The following RCHY1 variants were observed in gnomAD, a reference collection of about 807,000 sequenced individuals.
RCHY1 encodes ring finger and CHY zinc finger domain containing 1, also known as RING finger and CHY zinc finger domain-containing protein 1.
Under a neutral mutation model 41.6 loss-of-function variants are expected in RCHY1, and 21 were observed. That is an observed-to-expected ratio of 0.51 (90% CI 0.36 to 0.73). The LOEUF (loss-of-function observed/expected upper bound fraction) is 0.73. Among genes scored for constraint, RCHY1 ranks in the 30% least tolerant of loss-of-function variants. RCHY1 has a pLI of 0.00. For synonymous variants in RCHY1, 79 were observed against 102.9 expected, an observed-to-expected ratio of 0.77 and a Z score of 1.41; for missense variants, 265 against 325.3, an observed-to-expected ratio of 0.81 and a Z score of 1.43.
chr4:75,487,014 C>T (rs1578205074), intron 8 of RCHY1, among the ~76,000 whole-genome samples: 2 of 151,800 alleles, frequency 1.3e-5, no homozygotes, highest in Non-Finnish European at 2.9e-5. Flanking sequence ...AGTTACTTAA[C>T]GGTTGTTTCA....
At chr4:75,487,554 A>ATATATATTCATAATATATATTCAT in intron 8 of RCHY1, among the ~76,000 whole-genome samples, 1 of 48,310 alleles carries the variant, frequency 2.1e-5, no homozygotes, top group South Asian at 6.7e-4. Flanking sequence ...ATATATTCAT[A>ATATATATTCATAATATATATTCAT]ATATATTCAT....
intron 8 of RCHY1, among the ~76,000 whole-genome samples, chr4:75,487,781 CATA>C (rs1178470954): frequency 1.1e-5 from 1 of 92,756 alleles, no homozygotes; most frequent in East Asian, 3.0e-4. Context: ...TATATATATT[CATA>C]ATATATATAT....
chr4:75,501,349 TGATG>T (rs1723740531), intron 3 of RCHY1, among the ~76,000 whole-genome samples: 1 of 152,224 alleles, frequency 6.6e-6, no homozygotes, highest in South Asian at 2.1e-4. Context: ...TAGTCATTAT[TGATG>T]ATCATATGTC....
intron 7 of RCHY1, 198 bp downstream of exon 7, chr4:75,491,413 G>A: frequency 2.3e-6 from 1 of 441,896 alleles, no homozygotes; most frequent in East Asian, 3.5e-5. Flanking sequence ...AGATTTAAGA[G>A]AAACATATGG....
At chr4:75,510,602 T>C (rs757701925) in intron 1 of RCHY1, among the ~76,000 whole-genome samples, 6 of 152,190 alleles carry the variant, frequency 3.9e-5, no homozygotes, top group Non-Finnish European at 8.8e-5. Context: ...CAACCCACTA[T>C]TCTCATAGTT....
At chr4:75,491,505 G>A in intron 7 of RCHY1, 106 bp downstream of exon 7, 2 of 962,556 alleles carry the variant, frequency 2.1e-6, no homozygotes, top group Middle Eastern at 2.1e-4. Flanking sequence ...TATAAATATT[G>A]CCATGCCCAA....
At chr4:75,509,440 A>C (rs947269763) in intron 1 of RCHY1, 144 bp from the exon 2 acceptor site, 1 of 620,866 alleles carries the variant, frequency 1.6e-6, no homozygotes, top group Non-Finnish European at 2.7e-6. Context: ...GATCCTAAAC[A>C]TAACATTTCA....
rs1205836039 is a variant in RCHY1 at position 75,480,158 on chromosome 4, C to T, written c.*2380G>A. The T allele has an allele frequency of 6.6e-6, 1 of 152,116 alleles. No homozygotes were observed. The highest frequency in any genetic ancestry group is 1.5e-5 in the Non-Finnish European group (1 of 68,018). 9.4% of individuals were successfully genotyped at this position (152,116 alleles called of 1,614,324 possible). A position where few individuals can be genotyped will look rare whatever the true frequency, so the allele number is the denominator to read the frequency against. Reference sequence around the variant, plus strand: ...AACCCTGGGTACCGAAGCCTAGAGACTTTGAGTACATTTGAAAATTGCTTT... The same window carrying T: ...AACCCTGGGTACCGAAGCCTAGAGATTTTGAGTACATTTGAAAATTGCTTT... On this transcript the variant is annotated 3_prime_UTR_variant, in exon 9 of 9. Coordinates refer to ENST00000324439, the MANE Select transcript of RCHY1 (RefSeq NM_015436.4).
At chr4:75,512,505 T>G (rs964653422) in intron 1 of RCHY1, among the ~76,000 whole-genome samples, 2 of 152,186 alleles carry the variant, frequency 1.3e-5, no homozygotes, top group East Asian at 3.9e-4. Flanking sequence ...TCAGGGACAA[T>G]GCCCTTACAG....
chr4:75,508,804 A>C lies in RCHY1; in HGVS notation c.326+16T>G. 6.9e-7 allele frequency: 1 copy of C among 1,442,754 alleles called. No individual in the cohort carries two copies. The highest frequency in any genetic ancestry group is 9.6e-7 in the Non-Finnish European group (1 of 1,045,366). 89.4% of individuals were successfully genotyped at this position (1,442,754 alleles called of 1,614,324 possible). ...ACATTAGAAGCAATTAGATAAGAAC[A>C]CTTTACATACAGTACCTACAAATTC... On this transcript the variant is annotated intron_variant, in intron 3 of 8. Coordinates refer to ENST00000324439, the MANE Select transcript of RCHY1 (RefSeq NM_015436.4).
In RCHY1 at chr4:75,505,485, G is replaced by A. The variant is rs1441241976; in HGVS notation, c.326+3335C>T. 6.6e-5 allele frequency among the ~76,000 whole-genome samples: 10 copies of A among 152,318 alleles called. No homozygotes were observed. The South Asian group carries it at 1.4e-3, about 22-fold the overall frequency. ...TAAATCAACCAATAAAAGAGGGTAT[G>A]ATTTTCTTGGTTGTGTGTGGTAATT... is the stretch of plus-strand genomic sequence containing the variant. On this transcript the variant is annotated intron_variant, in intron 3 of 8. Transcript: ENST00000324439.
Position 75,480,376 on chromosome 4 carries a change from G to A in RCHY1, c.*2162C>T, listed in dbSNP as rs1355285265. ...ATGATATGGATGACTAGCTGTGAGG[G>A]GTATTTTAGCAAAATAGAAGTTTAG... On this transcript the variant is annotated 3_prime_UTR_variant, in exon 9 of 9. Coordinates refer to ENST00000324439, the MANE Select transcript of RCHY1 (RefSeq NM_015436.4). 6.6e-6 allele frequency: 1 copy of A among 152,056 alleles called. No individual in the cohort carries two copies. Among genetic ancestry groups the A allele is most frequent in the Non-Finnish European group, 1.5e-5 (1 of 68,008 alleles). The allele number at this position is 152,056 out of a possible 1,614,324, so 9.4% of individuals were successfully genotyped here.
At chr4:75,514,493 A>G (rs374426686), upstream of RCHY1, 234 of 539,070 alleles carry the variant, frequency 4.3e-4, no homozygotes, top group South Asian at 6.0e-3. Context: ...TCCGTCGTTG[A>G]CGTTAGTCGC....
intron 8 of RCHY1, among the ~76,000 whole-genome samples, chr4:75,485,582 T>C (rs1158880732): frequency 6.6e-6 from 1 of 152,206 alleles, no homozygotes; most frequent in Non-Finnish European, 1.5e-5. Flanking sequence ...GATGGTACAA[T>C]ATTTACGTCT....
At chr4:75,484,545 C>T (rs917803515) in intron 8 of RCHY1, among the ~76,000 whole-genome samples, 3 of 152,062 alleles carry the variant, frequency 2.0e-5, no homozygotes, top group Non-Finnish European at 2.9e-5. Context: ...TCTTCTTGCA[C>T]ATTTAAGTAG....
At chr4:75,504,310 A>G (rs1724091814) in intron 3 of RCHY1, among the ~76,000 whole-genome samples, 1 of 152,200 alleles carries the variant, frequency 6.6e-6, no homozygotes. Flanking sequence ...AGGTCTACTT[A>G]TAAGCAGATT....
At position 75,480,344 on chromosome 4, in the gene RCHY1, C is replaced by A. The variant is rs1007436089; in HGVS notation, c.*2194G>T. On this transcript the variant is annotated 3_prime_UTR_variant, in exon 9 of 9. Coordinates refer to ENST00000324439, the MANE Select transcript of RCHY1 (RefSeq NM_015436.4). Reference sequence around the variant, plus strand: ...AAAGGTTAATCTATCAAATCATGAGCGCTTCAATGATATGGATGACTAGCT... The same window carrying A: ...AAAGGTTAATCTATCAAATCATGAGAGCTTCAATGATATGGATGACTAGCT... 1 of 152,076 alleles carries A rather than the reference C, an allele frequency of 6.6e-6. No homozygotes were observed. The highest frequency in any genetic ancestry group is 1.5e-5 in the Non-Finnish European group (1 of 68,028). The allele number at this position is 152,076 out of a possible 1,614,324, so 9.4% of individuals were successfully genotyped here.
intron 4 of RCHY1, among the ~76,000 whole-genome samples, chr4:75,493,466 T>C (rs1005688846): frequency 6.6e-6 from 1 of 151,882 alleles, no homozygotes; most frequent in Non-Finnish European, 1.5e-5. Context: ...TATCTGTCTC[T>C]CTCTCTCTCA....
In RCHY1 at chr4:75,490,123, C is replaced by T. The variant is rs147549291; in HGVS notation, c.657+458G>A. Among the ~76,000 whole-genome samples, 413 of 152,190 alleles carry T rather than the reference C, an allele frequency of 2.7e-3. 3 individuals carry two copies. Among genetic ancestry groups the T allele is most frequent in the African/African-American group, 9.3e-3 (388 of 41,532 alleles). ...AAGTGAAAAAGGGGTCTCCTGTGTG[C>T]ACTCCATAAAAATAAGTCTAAGATG... is the stretch of plus-strand genomic sequence containing the variant. On this transcript the variant is annotated intron_variant, in intron 8 of 8. Coordinates refer to ENST00000324439, the MANE Select transcript of RCHY1 (RefSeq NM_015436.4).
Sources: allele counts gnomAD v4.1 joint callset (sites outside exome capture counted in the v4.1 genomes callset), GRCh38; gene constraint gnomAD v4.1.1; transcripts MANE v1.5; gene names NCBI Gene and HGNC (gene_info 2026-07-23, HGNC 2026-07-21).